PEX5L: variants seen among roughly 807,000 people sequenced by gnomAD.
PEX5L encodes the protein PEX5-related protein.
A neutral mutation model predicts 84.0 loss-of-function variants in PEX5L; 30 were observed. The observed-to-expected ratio is 0.36, with a 90% CI of 0.27 to 0.48. The LOEUF (loss-of-function observed/expected upper bound fraction) is 0.48, where lower values mean the gene tolerates loss of function less well. Ranked by LOEUF, PEX5L falls within the 20% of genes least tolerant of loss-of-function variation. The pLI, the probability that PEX5L is intolerant of heterozygous loss-of-function variation, is 0.99. For missense variants in PEX5L, 533 were observed against 754.6 expected (o/e 0.71, Z 3.44); for synonymous variants, 270 against 283.1 (o/e 0.95, Z 0.46).
At chr3:179,820,056 T>C in intron 8 of PEX5L, 80 bp from the exon 9 acceptor site, 1 of 1,589,180 alleles carries the variant, frequency 6.3e-7, no homozygotes, top group Non-Finnish European at 8.6e-7. Context: ...CCCTAATAGA[T>C]AAAAGAGGCT....
In PEX5L at chr3:179,998,535, A is replaced by G. The variant is rs1311438614; in HGVS notation, c.22-26870T>C. On this transcript the variant is annotated intron_variant, in intron 1 of 14. Transcript: ENST00000467460. ...TAGGATTTTGGAGCAAGGCCCTGCC[A>G]TCTTCTGCAGATAACTACTCTCCTT... is the stretch of plus-strand genomic sequence containing the variant. 2.0e-5 allele frequency among the ~76,000 whole-genome samples: 3 copies of G among 152,194 alleles called. No individual in the cohort carries two copies. The East Asian group carries it at 5.8e-4, about 29-fold the overall frequency.
chr3:179,999,719 C>T (rs972998793), intron 1 of PEX5L, among the ~76,000 whole-genome samples: 1 of 152,206 alleles, frequency 6.6e-6, no homozygotes, highest in South Asian at 2.1e-4. Context: ...GCCTTATCCA[C>T]CATCATGGTA....
intron 4 of PEX5L, chr3:179,881,189 A>AT (rs1409254115): frequency 1.3e-5 from 2 of 152,344 alleles, no homozygotes; most frequent in African/African-American, 4.8e-5. Flanking sequence ...TGGGGGATGG[A>AT]TTTTTGCTGA....
Position 179,799,554 on chromosome 3 carries a change from G to C in PEX5L, c.*2274C>G, listed in dbSNP as rs571725923. On this transcript the variant is annotated 3_prime_UTR_variant, in exon 15 of 15. Coordinates refer to ENST00000467460, the MANE Select transcript of PEX5L (RefSeq NM_016559.3). ...TACTAGTTTCAGGCTTTAAATCCAGGCTGCAGATTCAGCTGCTGCTCAAAG... is the reference window on the plus strand; with the variant it reads ...TACTAGTTTCAGGCTTTAAATCCAGCCTGCAGATTCAGCTGCTGCTCAAAG... 1 of 152,246 alleles carries C rather than the reference G, an allele frequency of 6.6e-6. No homozygotes were observed. The highest frequency in any genetic ancestry group is 2.4e-5 in the African/African-American group (1 of 41,544). 9.4% of individuals were successfully genotyped at this position (152,246 alleles called of 1,614,324 possible).
intron 1 of PEX5L, among the ~76,000 whole-genome samples, chr3:179,984,059 T>C (rs1368858580): frequency 6.6e-6 from 1 of 152,046 alleles, no homozygotes; most frequent in Non-Finnish European, 1.5e-5. Flanking sequence ...ACCAAATTTA[T>C]TAATATGACT....
At chr3:179,904,992 T>C (rs971460919) in intron 2 of PEX5L, among the ~76,000 whole-genome samples, 2 of 152,240 alleles carry the variant, frequency 1.3e-5, no homozygotes, top group African/African-American at 4.8e-5. Context: ...ACTGTTTTTG[T>C]TAAGGAAATC....
chr3:179,932,503 T>C (rs1773386685), intron 2 of PEX5L, among the ~76,000 whole-genome samples: 1 of 152,136 alleles, frequency 6.6e-6, no homozygotes, highest in East Asian at 1.9e-4. Context: ...GTAAATAATG[T>C]TTTAGTATTG....
At chr3:180,019,857 T>A (rs185354286) in intron 1 of PEX5L, among the ~76,000 whole-genome samples, 48 of 152,288 alleles carry the variant, frequency 3.2e-4, no homozygotes, top group African/African-American at 1.2e-3. Flanking sequence ...CCCCCCTCAA[T>A]AATATAAGGA....
At chr3:179,828,667 G>GTA (rs1296644979) in intron 8 of PEX5L, among the ~76,000 whole-genome samples, 1 of 151,610 alleles carries the variant, frequency 6.6e-6, no homozygotes, top group African/African-American at 2.4e-5. Flanking sequence ...ATGTGTATGT[G>GTA]TGTGTGTGTG....
chr3:179,880,299 T>C (rs1045132901), intron 4 of PEX5L, among the ~76,000 whole-genome samples, 176 bp from the exon 5 acceptor site: 1 of 152,240 alleles, frequency 6.6e-6, no homozygotes, highest in African/African-American at 2.4e-5. Flanking sequence ...TTGCTGCATG[T>C]TATTCTTATA....
intron 2 of PEX5L, among the ~76,000 whole-genome samples, chr3:179,928,472 C>G (rs1295400338): frequency 6.6e-6 from 1 of 152,144 alleles, no homozygotes; most frequent in East Asian, 1.9e-4. Flanking sequence ...ACCCTTCCTT[C>G]CCCACTTAAG....
chr3:180,006,292 AT>A (rs904607725), intron 1 of PEX5L, among the ~76,000 whole-genome samples: 23 of 151,212 alleles, frequency 1.5e-4, no homozygotes, highest in Non-Finnish European at 2.9e-4. Context: ...CTTTATTATT[AT>A]TTTTTTTGCT....
intron 1 of PEX5L, among the ~76,000 whole-genome samples, chr3:179,982,923 T>TA (rs1193656383): frequency 4.6e-5 from 7 of 152,004 alleles, no homozygotes; most frequent in South Asian, 2.1e-4. Context: ...ATTTTTCTTT[T>TA]AAAAAAAACC....
At chr3:180,017,896 A>G (rs1259092926) in intron 1 of PEX5L, among the ~76,000 whole-genome samples, 2 of 152,212 alleles carry the variant, frequency 1.3e-5, no homozygotes, top group African/African-American at 2.4e-5. Context: ...CAAAATAAAG[A>G]AAAATTAAGA....
chr3:179,874,130 TAC>T (rs1346490956), intron 7 of PEX5L, among the ~76,000 whole-genome samples, 195 bp downstream of exon 7: 1 of 113,012 alleles, frequency 8.8e-6, no homozygotes, highest in East Asian at 4.4e-4. Context: ...TGTGTAGATA[TAC>T]ATATATATAT....
At chr3:179,885,372 C>A (rs546816981) in intron 4 of PEX5L, among the ~76,000 whole-genome samples, 1 of 152,080 alleles carries the variant, frequency 6.6e-6, no homozygotes, top group African/African-American at 2.4e-5. Flanking sequence ...TTGGGCCAGG[C>A]GCGGTGGTTC....
At chr3:179,919,339 C>T (rs1768424336) in intron 2 of PEX5L, among the ~76,000 whole-genome samples, 1 of 152,214 alleles carries the variant, frequency 6.6e-6, no homozygotes, top group South Asian at 2.1e-4. Context: ...TCTCTAGGTA[C>T]TTGATAAGTA....
chr3:180,008,179 A>G (rs987106182), intron 1 of PEX5L, among the ~76,000 whole-genome samples: 2 of 152,152 alleles, frequency 1.3e-5, no homozygotes, highest in Admixed American at 6.5e-5. Context: ...TCCACCAGAT[A>G]CCCTAAATCA....
Position 179,801,770 on chromosome 3 carries a change from T to A in PEX5L, c.*58A>T. 1 of 1,119,582 alleles carries A rather than the reference T, an allele frequency of 8.9e-7. No homozygotes were observed. The allele number at this position is 1,119,582 out of a possible 1,614,324, so 69.4% of individuals were successfully genotyped here. A position where few individuals can be genotyped will look rare whatever the true frequency, so the allele number is the denominator to read the frequency against. On this transcript the variant is annotated 3_prime_UTR_variant, in exon 15 of 15. Transcript: ENST00000467460. ...TTGAAATTCATAATAAAATAGTTTT[T>A]GATTTTTCAGTACAATCACACAGAT... is the stretch of plus-strand genomic sequence containing the variant.
Sources: gnomAD v4.1 joint callset for allele counts (sites outside exome capture counted in the v4.1 genomes callset) on GRCh38, gnomAD v4.1.1 for gene constraint, MANE v1.5 for transcripts, NCBI Gene and HGNC (gene_info 2026-07-23, HGNC 2026-07-21) for gene names.